The following PPP1CB variants were observed in gnomAD, a reference collection of about 807,000 sequenced individuals.
PPP1CB encodes serine/threonine-protein phosphatase PP1-beta catalytic subunit.
A neutral mutation model predicts 43.7 loss-of-function variants in PPP1CB; 2 were observed. The ratio of observed to expected loss-of-function variants is 0.05; its 90% confidence interval spans 0.02 to 0.14. The LOEUF is 0.14. Ranked by LOEUF, PPP1CB falls within the 10% of genes least tolerant of loss-of-function variation. The probability of loss-of-function intolerance (pLI) is 1.00; values close to 1 mark genes in which losing one functional copy is unlikely to be tolerated. For synonymous variants in PPP1CB, 136 were observed against 135.6 expected (o/e 1.00, Z -0.02); for missense variants, 84 against 398.0 (o/e 0.21, Z 6.71).
intron 5 of PPP1CB, among the ~76,000 whole-genome samples, chr2:28,784,580 G>C (rs2148053773): frequency 6.6e-6 from 1 of 152,000 alleles, no homozygotes; most frequent in East Asian, 1.9e-4. Flanking sequence ...AGCTCTTAAG[G>C]CTCTAGAGAC....
intron 7 of PPP1CB, 37 bp downstream of exon 7, chr2:28,794,034 C>G (rs1306759749): frequency 1.3e-6 from 2 of 1,490,232 alleles, no homozygotes; most frequent in Admixed American, 1.9e-5. Context: ...AACTAGAAAT[C>G]TAATAAAAAC....
In PPP1CB at chr2:28,795,055, C is replaced by T. The variant is rs1398876161; in HGVS notation, c.879+1058C>T. On this transcript the variant is annotated intron_variant, in intron 7 of 7. Coordinates refer to ENST00000395366, the MANE Select transcript of PPP1CB (RefSeq NM_002709.3). The stretch of plus-strand genomic sequence containing the variant: ...TGCCATCTTTATGTCCATGTTTACC[C>T]AGTGTTTAGCTCCTGCTTATGAGTG... Among the ~76,000 whole-genome samples the T allele has an allele frequency of 2.6e-5, 4 of 152,212 alleles. No individual in the cohort carries two copies. In the East Asian group the frequency reaches 7.7e-4, roughly 29 times the overall value.
chr2:28,780,313 A>G (rs1178358594), intron 3 of PPP1CB, among the ~76,000 whole-genome samples: 1 of 149,800 alleles, frequency 6.7e-6, no homozygotes, highest in Non-Finnish European at 1.5e-5. Flanking sequence ...CTGGTCTTGA[A>G]CTCCCAACCT....
chr2:28,794,713 G>GA (rs1026194021), intron 7 of PPP1CB, among the ~76,000 whole-genome samples: 7 of 151,730 alleles, frequency 4.6e-5, no homozygotes, highest in Admixed American at 6.6e-5. Context: ...GTTTCCTGAG[G>GA]AAAAAAAACT....
rs1438948351 is a variant in PPP1CB at position 28,761,953 on chromosome 2, C to T, written c.52+9777C>T. On this transcript the variant is annotated intron_variant, in intron 1 of 7. Coordinates refer to ENST00000395366, the MANE Select transcript of PPP1CB (RefSeq NM_002709.3). ...GCTTTTATTTATGTGAGGTATTTAA[C>T]AATATTGCATTAGAAGTTAAAACTG... Among the ~76,000 whole-genome samples the T allele has an allele frequency of 3.3e-5, 5 of 152,082 alleles. No individual in the cohort carries two copies. The East Asian group carries it at 9.6e-4, about 29-fold the overall frequency.
intron 7 of PPP1CB, among the ~76,000 whole-genome samples, chr2:28,794,521 T>C (rs904334966): frequency 3.9e-5 from 6 of 152,038 alleles, no homozygotes; most frequent in African/African-American, 1.5e-4. Flanking sequence ...AAACCCCATC[T>C]CTACTAAAAA....
intron 5 of PPP1CB, among the ~76,000 whole-genome samples, chr2:28,788,127 A>AC (rs1180265312): frequency 2.6e-5 from 4 of 152,332 alleles, no homozygotes; most frequent in Admixed American, 6.5e-5. Context: ...ATGTGGAAGA[A>AC]CAAAAGATCA....
intron 4 of PPP1CB, among the ~76,000 whole-genome samples, chr2:28,783,206 G>A (rs1447601913): frequency 6.6e-6 from 1 of 152,186 alleles, no homozygotes; most frequent in East Asian, 1.9e-4. Flanking sequence ...ACCAAGTGAG[G>A]CACTTTCACT....
intron 3 of PPP1CB, among the ~76,000 whole-genome samples, chr2:28,781,466 T>TA (rs1379921971): frequency 1.3e-5 from 2 of 152,188 alleles, no homozygotes; most frequent in Non-Finnish European, 2.9e-5. Flanking sequence ...TGATACTTTG[T>TA]ATTCTTTGAC....
intron 1 of PPP1CB, among the ~76,000 whole-genome samples, chr2:28,752,964 C>G (rs940202252): frequency 2.0e-5 from 3 of 152,152 alleles, no homozygotes; most frequent in Admixed American, 6.5e-5. Flanking sequence ...ATTTGTAGGT[C>G]TACGCAGCAT....
chr2:28,777,385 A>G (rs1286466419), intron 2 of PPP1CB: 2 of 153,028 alleles, frequency 1.3e-5, no homozygotes, highest in Non-Finnish European at 2.9e-5. Context: ...ATAAAAAAAT[A>G]CCAAAGATTG....
At chr2:28,776,552 G>T (rs889319973) in intron 1 of PPP1CB, among the ~76,000 whole-genome samples, 1 of 152,094 alleles carries the variant, frequency 6.6e-6, no homozygotes, top group Non-Finnish European at 1.5e-5. Context: ...GAGCCACCGT[G>T]CCCGGCCCTG....
At chr2:28,753,932 T>G (rs1421374203) in intron 1 of PPP1CB, among the ~76,000 whole-genome samples, 3 of 152,000 alleles carry the variant, frequency 2.0e-5, no homozygotes, top group South Asian at 2.1e-4. Context: ...AGACGGAGGT[T>G]TCACCATCTT....
intron 7 of PPP1CB, among the ~76,000 whole-genome samples, chr2:28,797,368 A>G (rs1667518395): frequency 6.6e-6 from 1 of 152,122 alleles, no homozygotes; most frequent in African/African-American, 2.4e-5. Flanking sequence ...TACATCTGAT[A>G]TAATTCAGCT....
At chr2:28,789,591 A>G (rs1367454255) in intron 6 of PPP1CB, among the ~76,000 whole-genome samples, 1 of 138,622 alleles carries the variant, frequency 7.2e-6, no homozygotes, top group East Asian at 2.0e-4. Flanking sequence ...GATATGATTT[A>G]GATTTTTTTT....
intron 2 of PPP1CB, among the ~76,000 whole-genome samples, chr2:28,778,198 A>G (rs557224296): frequency 1.3e-5 from 2 of 152,334 alleles, no homozygotes; most frequent in East Asian, 3.8e-4. Flanking sequence ...AAGGTTTACT[A>G]TTTGTCTCCA....
At position 28,785,643 on chromosome 2, in the gene PPP1CB, C is replaced by A. The variant is rs1667250806; in HGVS notation, c.592+1665C>A. 1.3e-5 allele frequency among the ~76,000 whole-genome samples: 2 copies of A among 151,088 alleles called. 1 individual carries two copies. The highest frequency in any genetic ancestry group is 4.9e-5 in the African/African-American group (2 of 41,176). Reference sequence around the variant, plus strand: ...CTGGGCAACATAACACCCATCTCTACAGAGAAAAAAAAAATTTTTTTTTTT... The same window carrying A: ...CTGGGCAACATAACACCCATCTCTAAAGAGAAAAAAAAAATTTTTTTTTTT... On this transcript the variant is annotated intron_variant, in intron 5 of 7. Transcript: ENST00000395366.
At chr2:28,769,422 G>A (rs1666852304) in intron 1 of PPP1CB, among the ~76,000 whole-genome samples, 1 of 152,176 alleles carries the variant, frequency 6.6e-6, no homozygotes, top group Non-Finnish European at 1.5e-5. Context: ...TTTTAGTAGA[G>A]GCAGGGTTTC....
At chr2:28,797,457 T>G (rs968404621) in intron 7 of PPP1CB, among the ~76,000 whole-genome samples, 5 of 152,154 alleles carry the variant, frequency 3.3e-5, no homozygotes, top group African/African-American at 1.2e-4. Flanking sequence ...TTGTTATTGT[T>G]CTGTTCAGGA....
Sources: gnomAD v4.1 joint callset for allele counts (sites outside exome capture counted in the v4.1 genomes callset) on GRCh38, gnomAD v4.1.1 for gene constraint, MANE v1.5 for transcripts, NCBI Gene and HGNC (gene_info 2026-07-23, HGNC 2026-07-21) for gene names.